The following CTCFL variants were observed in gnomAD, a reference collection of about 807,000 sequenced individuals.
The protein encoded by CTCFL is CCCTC-binding factor like.
In CTCFL, 36 loss-of-function variants were observed where a neutral mutation model predicts 67.4. The ratio of observed to expected loss-of-function variants is 0.53; its 90% confidence interval spans 0.41 to 0.71. CTCFL has a LOEUF of 0.71. CTCFL is among the 30% of genes least tolerant of loss of function. The probability of loss-of-function intolerance (pLI) is 0.00; values close to 1 mark genes in which losing one functional copy is unlikely to be tolerated. For synonymous variants in CTCFL, 324 were observed against 302.3 expected (o/e 1.07, Z -0.75); for missense variants, 786 against 835.2 (o/e 0.94, Z 0.73).
At chr20:57,516,035 T>C (rs952839425) in intron 5 of CTCFL, among the ~76,000 whole-genome samples, 2 of 152,214 alleles carry the variant, frequency 1.3e-5, no homozygotes, top group African/African-American at 4.8e-5. Flanking sequence ...ATTTGATGTG[T>C]GTGTGTATAA....
At chr20:57,500,221 T>C (rs878968292) in intron 10 of CTCFL, 1 of 1,041,100 alleles carries the variant, frequency 9.6e-7, no homozygotes, top group Non-Finnish European at 1.2e-6. Flanking sequence ...TCCCACCACT[T>C]TGGGAGGCCG....
chr20:57,515,478 G>A (rs1045246727), intron 6 of CTCFL: 5 of 498,206 alleles, frequency 1.0e-5, no homozygotes, highest in African/African-American at 2.0e-5. Flanking sequence ...AAAAATCTAC[G>A]GAAGCAAATA....
intron 9 of CTCFL, chr20:57,506,894 A>G (rs1007290202): frequency 2.0e-6 from 2 of 985,256 alleles, no homozygotes; most frequent in Admixed American, 6.2e-5. Flanking sequence ...TTGAAATTTT[A>G]AACTAATAGG....
chr20:57,509,409 G>A (rs1468668513), intron 8 of CTCFL, among the ~76,000 whole-genome samples: 1 of 151,200 alleles, frequency 6.6e-6, no homozygotes, highest in Non-Finnish European at 1.5e-5. Flanking sequence ...GACTGTGGAC[G>A]CATGCCACTA....
chr20:57,498,808 C>T (rs1420884810), intron 10 of CTCFL, 107 bp from the exon 11 acceptor site: 6 of 956,050 alleles, frequency 6.3e-6, no homozygotes, highest in Non-Finnish European at 8.0e-6. Flanking sequence ...TTGAACACGG[C>T]AGCAAGCATG....
chr20:57,519,730 G>C (rs2069205631), intron 3 of CTCFL, among the ~76,000 whole-genome samples: 1 of 152,284 alleles, frequency 6.6e-6, no homozygotes, highest in Non-Finnish European at 1.5e-5. Flanking sequence ...CCTACCTGAA[G>C]TGGGGCGCCC....
intron 2 of CTCFL, 110 bp from the exon 3 acceptor site, chr20:57,523,388 C>A: frequency 9.2e-7 from 1 of 1,092,168 alleles, no homozygotes; most frequent in Non-Finnish European, 1.3e-6. Flanking sequence ...GAAGATTATG[C>A]ATCACAATGT....
intron 3 of CTCFL, 61 bp from the exon 4 acceptor site, chr20:57,519,438 A>G: frequency 6.9e-7 from 1 of 1,451,162 alleles, no homozygotes; most frequent in Non-Finnish European, 9.6e-7. Flanking sequence ...AAATACTTGA[A>G]AGTAAATCAG....
chr20:57,524,391 G>A (rs1273178097), intron 1 of CTCFL, 175 bp from the exon 2 acceptor site: 3 of 1,430,856 alleles, frequency 2.1e-6, no homozygotes, highest in African/African-American at 1.4e-5. Context: ...TCTAGGAGGG[G>A]GTCAAGGCTA....
chr20:57,522,714 T>C (rs909870312), intron 3 of CTCFL, among the ~76,000 whole-genome samples: 6 of 152,122 alleles, frequency 3.9e-5, no homozygotes, highest in African/African-American at 1.4e-4. Context: ...AATCACTCCT[T>C]CTCTTGGCCC....
intron 9 of CTCFL, chr20:57,507,568 G>C: frequency 1.4e-6 from 1 of 702,804 alleles, no homozygotes; most frequent in East Asian, 2.7e-5. Flanking sequence ...CACTTGCTCT[G>C]AGTCAGGAGG....
intron 4 of CTCFL, 127 bp downstream of exon 4, chr20:57,519,077 CAAG>C: frequency 8.2e-7 from 1 of 1,224,818 alleles, no homozygotes; most frequent in Non-Finnish European, 1.1e-6. Flanking sequence ...AATGGAAATT[CAAG>C]AAAAAGAAGA....
downstream of CTCFL, chr20:57,495,992 T>A: frequency 8.5e-6 from 3 of 351,920 alleles, no homozygotes; most frequent in Non-Finnish European, 1.5e-5. Context: ...ATGTTATCTG[T>A]TTTTGAAATT....
intron 7 of CTCFL, among the ~76,000 whole-genome samples, chr20:57,513,061 T>A (rs187885681): frequency 6.6e-6 from 1 of 152,286 alleles, no homozygotes; most frequent in Non-Finnish European, 1.5e-5. Context: ...ACGAACAGAA[T>A]GCTGAAATAT....
chr20:57,521,050 G>A (rs1119925), intron 3 of CTCFL, among the ~76,000 whole-genome samples: 45,021 of 152,176 alleles, frequency 0.3, 7,255 homozygotes, highest in Middle Eastern at 0.4. Context: ...GGCAATATCA[G>A]AAGCTAAGAG....
At chr20:57,507,716 C>G in intron 9 of CTCFL, 2 of 703,036 alleles carry the variant, frequency 2.8e-6, no homozygotes, top group Non-Finnish European at 5.2e-6. Context: ...TGGCGGACAT[C>G]CTGACTGCAG....
At chr20:57,514,058 G>A (rs550610387) in intron 7 of CTCFL, among the ~76,000 whole-genome samples, 7 of 152,160 alleles carry the variant, frequency 4.6e-5, no homozygotes, top group African/African-American at 9.7e-5. Flanking sequence ...TGGTAGATGC[G>A]GATTACACGT....
chr20:57,514,574 G>A lies in CTCFL; in HGVS notation c.1330+18C>T. Reference sequence around the variant, plus strand: ...CCAGCAAATGCTGTAGTAAAAGAAAGATCGCTAAACCACTCACGTAGGTCG... The same window carrying A: ...CCAGCAAATGCTGTAGTAAAAGAAAAATCGCTAAACCACTCACGTAGGTCG... On this transcript the variant is annotated intron_variant, in intron 7 of 10. Coordinates refer to ENST00000243914, the MANE Select transcript of CTCFL (RefSeq NM_001386993.1). 2 of 1,613,230 alleles carry A rather than the reference G, an allele frequency of 1.2e-6. No individual in the cohort carries two copies. The highest frequency in any genetic ancestry group is 1.7e-6 in the Non-Finnish European group (2 of 1,179,440).
Position 57,497,382 on chromosome 20 carries a change from G to A in CTCFL, c.*1168C>T. ...GAAATTATTTCCACATATTCACATT[G>A]TATAGGGATTCTGAACTTGTGATAT... On this transcript the variant is annotated 3_prime_UTR_variant, in exon 11 of 11. Coordinates refer to ENST00000243914, the MANE Select transcript of CTCFL (RefSeq NM_001386993.1). 1 of 984,800 alleles carries A rather than the reference G, an allele frequency of 1.0e-6. No homozygotes were observed. The highest frequency in any genetic ancestry group is 1.2e-6 in the Non-Finnish European group (1 of 829,428). 61.0% of individuals were successfully genotyped at this position (984,800 alleles called of 1,614,324 possible). A position where few individuals can be genotyped will look rare whatever the true frequency, so the allele number is the denominator to read the frequency against.
Sources: gnomAD v4.1 joint callset for allele counts (sites outside exome capture counted in the v4.1 genomes callset) on GRCh38, gnomAD v4.1.1 for gene constraint, MANE v1.5 for transcripts, NCBI Gene and HGNC (gene_info 2026-07-23, HGNC 2026-07-21) for gene names.